The following GDAP1 variants were observed in gnomAD, a reference collection of about 807,000 sequenced individuals.
GDAP1 encodes the protein ganglioside induced differentiation associated protein 1.
A neutral mutation model predicts 40.1 loss-of-function variants in GDAP1; 34 were observed. The observed-to-expected ratio is 0.85, with a 90% CI of 0.64 to 1.13. The LOEUF is 1.13. Among genes scored for constraint, GDAP1 ranks in the 50% most tolerant of loss-of-function variants. The pLI, the probability that GDAP1 is intolerant of heterozygous loss-of-function variation, is 0.00. For missense variants in GDAP1, 374 were observed against 433.7 expected (o/e 0.86, Z 1.22); for synonymous variants, 170 against 157.4 (o/e 1.08, Z -0.60).
intron 2 of GDAP1, among the ~76,000 whole-genome samples, chr8:74,416,910 T>G (rs1196954617): frequency 7.5e-6 from 1 of 133,348 alleles, no homozygotes; most frequent in Non-Finnish European, 1.5e-5. Flanking sequence ...AAGTTTTTTT[T>G]TTTGTTTTTT....
intron 2 of GDAP1, among the ~76,000 whole-genome samples, chr8:74,396,719 T>A (rs1810206399): frequency 6.6e-6 from 1 of 152,192 alleles, no homozygotes; most frequent in Non-Finnish European, 1.5e-5. Flanking sequence ...TATTCCATGG[T>A]GTATATGTGC....
Position 74,392,591 on chromosome 8 carries a change from G to A in GDAP1, c.165+41270G>A, listed in dbSNP as rs190290210. Among the ~76,000 whole-genome samples the A allele has an allele frequency of 1.5e-3, 224 of 152,248 alleles. 1 individual carries two copies. Among genetic ancestry groups the A allele is most frequent in the African/African-American group, 4.5e-3 (188 of 41,548 alleles). ...ATATACTAGTGAGAAGTAGTAACCC[G>A]TTAACATTCATGTTCCCCATTTGAT... is the stretch of plus-strand genomic sequence containing the variant. On this transcript the variant is annotated intron_variant, in intron 2 of 2. Coordinates refer to the GDAP1 transcript ENST00000523640.
At chr8:74,403,285 A>G (rs988235298) in intron 2 of GDAP1, among the ~76,000 whole-genome samples, 2 of 150,204 alleles carry the variant, frequency 1.3e-5, no homozygotes, top group Non-Finnish European at 1.5e-5. Context: ...CAATTTCATT[A>G]CAGTATTGAC....
intron 2 of GDAP1, among the ~76,000 whole-genome samples, chr8:74,385,872 T>C (rs896232613): frequency 1.3e-5 from 2 of 152,204 alleles, no homozygotes; most frequent in African/African-American, 4.8e-5. Context: ...TTTTTAATGA[T>C]CACCATTCTA....
intron 2 of GDAP1, among the ~76,000 whole-genome samples, chr8:74,442,637 T>A (rs1483317691): frequency 1.3e-5 from 2 of 152,330 alleles, no homozygotes; most frequent in East Asian, 3.9e-4. Context: ...GAAAAAGACT[T>A]CCTTGAAACA....
intron 2 of GDAP1, among the ~76,000 whole-genome samples, chr8:74,381,094 G>A (rs1374849320): frequency 1.3e-5 from 2 of 151,750 alleles, no homozygotes; most frequent in African/African-American, 4.8e-5. Flanking sequence ...GTGTGTGTGT[G>A]TGTCTGTGTG....
chr8:74,379,651 C>T (rs1563452108), intron 2 of GDAP1, among the ~76,000 whole-genome samples: 3 of 152,120 alleles, frequency 2.0e-5, no homozygotes, highest in South Asian at 4.1e-4. Context: ...TGTCTTGCTC[C>T]AGGGCTATGT....
At chr8:74,465,360 T>G (rs1806456276) in intron 2 of GDAP1, among the ~76,000 whole-genome samples, 1 of 152,166 alleles carries the variant, frequency 6.6e-6, no homozygotes. Flanking sequence ...TTGATACACC[T>G]GCTTCCCTTA....
chr8:74,481,738 G>A (rs977780433), intron 2 of GDAP1, among the ~76,000 whole-genome samples: 1 of 152,090 alleles, frequency 6.6e-6, no homozygotes, highest in Admixed American at 6.6e-5. Context: ...ACTAAAATAA[G>A]CTTCTCTTCT....
intron 2 of GDAP1, among the ~76,000 whole-genome samples, chr8:74,395,239 T>A (rs1317702235): frequency 2.0e-5 from 3 of 152,182 alleles, no homozygotes; most frequent in African/African-American, 7.2e-5. Context: ...AATAACATAT[T>A]TCAAATGTGG....
At chr8:74,469,833 G>C (rs2131583635) in intron 2 of GDAP1, among the ~76,000 whole-genome samples, 2 of 151,976 alleles carry the variant, frequency 1.3e-5, no homozygotes, top group South Asian at 4.2e-4. Context: ...AATTAGCTGG[G>C]CGTGCTGGTG....
rs1808858722 is a variant in GDAP1, at chr8:74,351,308, G to A, written c.152G>A (p.Cys51Tyr). 1 of 1,614,074 alleles carries A rather than the reference G, an allele frequency of 6.2e-7. No homozygotes were observed. Among genetic ancestry groups the A allele is most frequent in the Admixed American group, 1.7e-5 (1 of 60,014 alleles). ...RLVIAEKALK[C>Y]EEHDVSLPLS... ...GTAATTGCTGAAAAGGCATTGAAGT[G>A]CGAGGAACATGATGTAAGTCTGCCC... The change falls in exon 2 of 6, where the codon TGC becomes TAC. Residue 51 changes from cysteine (C) to tyrosine (Y), a missense_variant. Coordinates refer to ENST00000220822, the MANE Select transcript of GDAP1 (RefSeq NM_018972.4).
At chr8:74,357,773 C>G (rs1417391456) in intron 2 of GDAP1, among the ~76,000 whole-genome samples, 1 of 152,158 alleles carries the variant, frequency 6.6e-6, no homozygotes, top group Non-Finnish European at 1.5e-5. Flanking sequence ...CTCTGTCCTG[C>G]CCCGCTATGC....
At chr8:74,469,085 C>T (rs761497039) in intron 2 of GDAP1, among the ~76,000 whole-genome samples, 6 of 151,854 alleles carry the variant, frequency 4.0e-5, no homozygotes, top group African/African-American at 1.2e-4. Context: ...ATTAATAATC[C>T]TGAATTATTC....
chr8:74,472,130 C>T (rs1039854210), intron 2 of GDAP1, among the ~76,000 whole-genome samples: 9 of 152,080 alleles, frequency 5.9e-5, no homozygotes, highest in African/African-American at 1.9e-4. Flanking sequence ...TCTGTTGTTC[C>T]CTTTTGTGTC....
At chr8:74,482,725 G>C (rs1806727798) in intron 2 of GDAP1, among the ~76,000 whole-genome samples, 1 of 152,156 alleles carries the variant, frequency 6.6e-6, no homozygotes, top group African/African-American at 2.4e-5. Flanking sequence ...AGTGAGAAAG[G>C]CACACTTACT....
At chr8:74,383,924 T>C (rs1029859140) in intron 2 of GDAP1, among the ~76,000 whole-genome samples, 1 of 152,278 alleles carries the variant, frequency 6.6e-6, no homozygotes, top group Non-Finnish European at 1.5e-5. Context: ...TGTAGGTATC[T>C]AAGAAGTAAG....
intron 2 of GDAP1, among the ~76,000 whole-genome samples, chr8:74,473,817 A>G (rs1259981209): frequency 7.6e-6 from 1 of 132,268 alleles, no homozygotes; most frequent in Non-Finnish European, 1.8e-5. Flanking sequence ...GAATTTTAGA[A>G]TAGTTTTTTT....
At chr8:74,399,811 A>C (rs1810289112) in intron 2 of GDAP1, among the ~76,000 whole-genome samples, 1 of 133,644 alleles carries the variant, frequency 7.5e-6, no homozygotes, top group Non-Finnish European at 1.5e-5. Context: ...TTATGTACCC[A>C]GTAGTCATTC....
Sources: allele counts gnomAD v4.1 joint callset (sites outside exome capture counted in the v4.1 genomes callset), GRCh38; gene constraint gnomAD v4.1.1; transcripts MANE v1.5; gene names NCBI Gene and HGNC (gene_info 2026-07-23, HGNC 2026-07-21).